Variants in VWA5B1 observed in about 807,000 individuals in gnomAD.
The protein encoded by VWA5B1 is von Willebrand factor A domain containing 5B1.
A neutral mutation model predicts 118.2 loss-of-function variants in VWA5B1; 115 were observed. The observed-to-expected ratio is 0.97, with a 90% CI of 0.84 to 1.14. The LOEUF (loss-of-function observed/expected upper bound fraction) is 1.14. Ranked by LOEUF, VWA5B1 falls within the 50% of genes most tolerant of loss-of-function variation. The pLI is 0.00. For missense variants in VWA5B1, 1,596 were observed against 1,603.8 expected (o/e 1.00, Z 0.08); for synonymous variants, 682 against 658.4 (o/e 1.04, Z -0.55).
At chr1:20,308,909 G>A (rs978685457) in intron 1 of VWA5B1, among the ~76,000 whole-genome samples, 1 of 152,166 alleles carries the variant, frequency 6.6e-6, no homozygotes, top group South Asian at 2.1e-4. Flanking sequence ...ATAAAGGGCA[G>A]CAGGCTACCA....
chr1:20,342,897 G>A (rs978844903), intron 15 of VWA5B1, among the ~76,000 whole-genome samples, 182 bp from the exon 16 acceptor site: 3 of 152,178 alleles, frequency 2.0e-5, no homozygotes, highest in African/African-American at 4.8e-5. Flanking sequence ...CCTCCCTTGG[G>A]GACAAGCCCA....
At chr1:20,333,765 G>A (rs1003786242) in intron 12 of VWA5B1, among the ~76,000 whole-genome samples, 1 of 152,244 alleles carries the variant, frequency 6.6e-6, no homozygotes, top group African/African-American at 2.4e-5. Context: ...TGAAGTTCAT[G>A]CTAAAATGTG....
chr1:20,330,404 A>G (rs2089514457), intron 10 of VWA5B1, 22 bp downstream of exon 10: 1 of 1,550,588 alleles, frequency 6.4e-7, no homozygotes, highest in Non-Finnish European at 8.7e-7. Context: ...CTGAGGGTCT[A>G]GGCTCGGTGA....
intron 20 of VWA5B1, among the ~76,000 whole-genome samples, 183 bp from the exon 21 acceptor site, chr1:20,351,872 C>G (rs1243619311): frequency 3.9e-5 from 6 of 152,188 alleles, no homozygotes; most frequent in Non-Finnish European, 7.3e-5. Context: ...CTGCTGCTAA[C>G]TCATTGAGTG....
chr1:20,295,634 C>CA (rs1329830345), intron 1 of VWA5B1, among the ~76,000 whole-genome samples: 1 of 152,176 alleles, frequency 6.6e-6, no homozygotes, highest in Admixed American at 6.5e-5. Flanking sequence ...GACTCTCTGC[C>CA]AAGAGGTTCC....
intron 1 of VWA5B1, among the ~76,000 whole-genome samples, chr1:20,297,038 C>G (rs143337114): frequency 6.6e-6 from 1 of 152,308 alleles, no homozygotes; most frequent in African/African-American, 2.4e-5. Context: ...TTGTCAGGCT[C>G]TCTTCTAAGG....
In VWA5B1 at chr1:20,356,670, G is replaced by A. The variant is rs2090235715; in HGVS notation, c.*2407G>A. Among the ~76,000 whole-genome samples, 5 of 152,220 alleles carry A rather than the reference G, an allele frequency of 3.3e-5. No homozygotes were observed. In the South Asian group the frequency reaches 6.2e-4, roughly 19 times the overall value. On this transcript the variant is annotated 3_prime_UTR_variant, in exon 22 of 22. Transcript: ENST00000289815. ...TAGGAAAGTTCCTCAGACTGCTCCC[G>A]CACCGGCCACTGGAGCTCTGCAACA...
rs569876967 is a variant in VWA5B1, at chr1:20,310,509, G to A, written c.-26-67G>A. ...CTGATTGCTTGAGGGTGTCTGAAAC[G>A]GGAAAACTAGGTTGAGGGGACCTGG... is the stretch of plus-strand genomic sequence containing the variant. On this transcript the variant is annotated intron_variant, in intron 1 of 21. Coordinates refer to ENST00000289815, the MANE Select transcript of VWA5B1 (RefSeq NM_001039500.3). 470 of 1,395,152 alleles carry A rather than the reference G, an allele frequency of 3.4e-4. 10 individuals are homozygous for A. The South Asian group carries it at 6.3e-3, about 19-fold the overall frequency. The allele number at this position is 1,395,152 out of a possible 1,614,324, so 86.4% of individuals were successfully genotyped here.
intron 1 of VWA5B1, among the ~76,000 whole-genome samples, chr1:20,310,302 G>A (rs1204745815): frequency 6.6e-6 from 1 of 152,130 alleles, no homozygotes; most frequent in Non-Finnish European, 1.5e-5. Context: ...AGCCCTGACT[G>A]TGCGCCAACG....
intron 14 of VWA5B1, among the ~76,000 whole-genome samples, chr1:20,340,199 GCACA>G (rs142332871): frequency 3.6e-4 from 54 of 148,760 alleles, no homozygotes; most frequent in East Asian, 1.4e-3. Flanking sequence ...ATATGTGCGC[GCACA>G]CACACACACA....
intron 18 of VWA5B1, among the ~76,000 whole-genome samples, chr1:20,349,943 G>C (rs1340448088): frequency 6.6e-6 from 1 of 152,214 alleles, no homozygotes; most frequent in African/African-American, 2.4e-5. Flanking sequence ...GTGGTGGCGG[G>C]GGTCAGGATT....
intron 17 of VWA5B1, 120 bp downstream of exon 17, chr1:20,345,713 G>GA: frequency 7.4e-7 from 1 of 1,360,414 alleles, no homozygotes; most frequent in Non-Finnish European, 9.7e-7. Context: ...ACAGGGCCTA[G>GA]AAGCAGAAAG....
chr1:20,348,686 C>A (rs1022861550), intron 18 of VWA5B1, among the ~76,000 whole-genome samples: 7 of 152,242 alleles, frequency 4.6e-5, no homozygotes, highest in Admixed American at 4.6e-4. Flanking sequence ...TCCTCCCAGG[C>A]ACCAACTGCC....
At chr1:20,312,177 G>A (rs1439968634) in intron 2 of VWA5B1, among the ~76,000 whole-genome samples, 1 of 152,208 alleles carries the variant, frequency 6.6e-6, no homozygotes, top group African/African-American at 2.4e-5. Flanking sequence ...ACTGCAGGAC[G>A]TCTGGCCCTA....
intron 15 of VWA5B1, 52 bp from the exon 16 acceptor site, chr1:20,343,027 G>A (rs1323344950): frequency 5.5e-6 from 8 of 1,466,100 alleles, no homozygotes; most frequent in Non-Finnish European, 7.2e-6. Flanking sequence ...CCTGGGAGTT[G>A]GCCGTCTGTC....
intron 9 of VWA5B1, 82 bp downstream of exon 9, chr1:20,328,082 T>C (rs2100916360): frequency 1.5e-6 from 2 of 1,361,776 alleles, no homozygotes; most frequent in East Asian, 2.5e-5. Context: ...AAAAAATAGT[T>C]AAAACCCTAG....
At position 20,310,827 on chromosome 1, in the gene VWA5B1, A is replaced by T. The variant is rs994009357; in HGVS notation, c.139+87A>T. 17 of 1,425,734 alleles carry T rather than the reference A, an allele frequency of 1.2e-5. No homozygotes were observed. In the African/African-American group the frequency reaches 2.5e-4, roughly 21 times the overall value. 88.3% of individuals were successfully genotyped at this position (1,425,734 alleles called of 1,614,324 possible). A position where few individuals can be genotyped will look rare whatever the true frequency, so the allele number is the denominator to read the frequency against. On this transcript the variant is annotated intron_variant, in intron 2 of 21. Coordinates refer to ENST00000289815, the MANE Select transcript of VWA5B1 (RefSeq NM_001039500.3). ...TGACATTTACTCGCTGACTGACCTT[A>T]GGCAAGTCATGCCACCCCTCCGAGT...
chr1:20,291,367 C>T (rs566696266), intron 1 of VWA5B1, among the ~76,000 whole-genome samples: 3,157 of 138,020 alleles, frequency 0.023, 117 homozygotes, highest in African/African-American at 0.095. Context: ...CTTTCTCTCT[C>T]TCTCTCTCTC....
intron 7 of VWA5B1, among the ~76,000 whole-genome samples, chr1:20,321,802 T>C (rs1024357128): frequency 6.6e-6 from 1 of 151,936 alleles, no homozygotes; most frequent in East Asian, 1.9e-4. Context: ...GGTGACCTTT[T>C]TGGAAAACAG....
Sources: gnomAD v4.1 joint callset for allele counts (sites outside exome capture counted in the v4.1 genomes callset) on GRCh38, gnomAD v4.1.1 for gene constraint, MANE v1.5 for transcripts, NCBI Gene and HGNC (gene_info 2026-07-23, HGNC 2026-07-21) for gene names.